The following RORA variants were observed in gnomAD, a reference collection of about 807,000 sequenced individuals.
RORA encodes nuclear receptor ROR-alpha.
RORA carries 7 observed loss-of-function variants against 69.5 expected under a neutral mutation model. The ratio of observed to expected loss-of-function variants is 0.10; its 90% CI spans 0.06 to 0.19. The LOEUF (loss-of-function observed/expected upper bound fraction) is 0.19, where lower values mean the gene tolerates loss of function less well. Ranked by LOEUF, RORA falls within the 10% of genes least tolerant of loss-of-function variation. RORA has a pLI of 1.00. For missense variants in RORA, 457 were observed against 663.0 expected (o/e 0.69, Z 3.41); for synonymous variants, 261 against 240.8 (o/e 1.08, Z -0.78).
intron 1 of RORA, among the ~76,000 whole-genome samples, chr15:60,978,087 C>T (rs937177792): frequency 1.2e-4 from 18 of 152,090 alleles, no homozygotes; most frequent in Non-Finnish European, 2.2e-4. Context: ...ACAATGATTA[C>T]GAGTTCTAAT....
intron 1 of RORA, among the ~76,000 whole-genome samples, chr15:61,224,504 G>A (rs1363208806): frequency 2.6e-5 from 4 of 152,198 alleles, no homozygotes; most frequent in Non-Finnish European, 5.9e-5. Context: ...AGAACACATG[G>A]CACATGCTTA....
chr15:60,706,138 C>T (rs1445945240), intron 1 of RORA: 1 of 152,212 alleles, frequency 6.6e-6, no homozygotes, highest in Non-Finnish European at 1.5e-5. Flanking sequence ...AGCAAAAAAA[C>T]AGGATCGTTT....
chr15:60,602,268 C>G (rs968365098), intron 2 of RORA, among the ~76,000 whole-genome samples: 1 of 152,172 alleles, frequency 6.6e-6, no homozygotes, highest in Non-Finnish European at 1.5e-5. Flanking sequence ...CTTCCAAGGA[C>G]ACGAACAGTT....
intron 2 of RORA, among the ~76,000 whole-genome samples, chr15:60,664,277 G>A (rs553573097): frequency 6.6e-6 from 1 of 152,282 alleles, no homozygotes; most frequent in African/African-American, 2.4e-5. Context: ...GAGGAGGATG[G>A]TGGTGAGGAT....
intron 2 of RORA, among the ~76,000 whole-genome samples, chr15:60,659,257 G>C (rs2070267431): frequency 6.6e-6 from 1 of 152,330 alleles, no homozygotes; most frequent in South Asian, 2.1e-4. Flanking sequence ...AAGCATGATA[G>C]AGTGGAAAAG....
At chr15:60,778,288 T>G (rs1386669721) in intron 1 of RORA, among the ~76,000 whole-genome samples, 1 of 146,734 alleles carries the variant, frequency 6.8e-6, no homozygotes, top group Non-Finnish European at 1.5e-5. Context: ...CTAAAGGGAT[T>G]AGGTTATTGT....
At chr15:60,562,726 A>G (rs1201050870) in intron 2 of RORA, among the ~76,000 whole-genome samples, 1 of 151,504 alleles carries the variant, frequency 6.6e-6, no homozygotes, top group South Asian at 2.1e-4. Context: ...GATTACATGC[A>G]TGAGCCACTG....
chr15:60,755,967 C>T (rs1306780891), intron 1 of RORA, among the ~76,000 whole-genome samples: 2 of 152,150 alleles, frequency 1.3e-5, no homozygotes, highest in Admixed American at 6.6e-5. Flanking sequence ...TGCCAGGCAC[C>T]GTCCTGGTAC....
At chr15:60,552,405 A>T (rs28589452) in intron 2 of RORA, among the ~76,000 whole-genome samples, 27,747 of 152,094 alleles carry the variant, frequency 0.18, 2,602 homozygotes, top group South Asian at 0.3. Flanking sequence ...CATTCATTCT[A>T]CAAAGCCTTT....
chr15:60,826,549 CT>C (rs1482377192), intron 1 of RORA, among the ~76,000 whole-genome samples: 2 of 152,088 alleles, frequency 1.3e-5, no homozygotes, highest in African/African-American at 4.8e-5. Flanking sequence ...TTTTTAAGCA[CT>C]TGATTTAAAT....
intron 2 of RORA, among the ~76,000 whole-genome samples, chr15:60,656,012 AAATC>A (rs368962952): frequency 3.3e-5 from 5 of 152,358 alleles, no homozygotes; most frequent in African/African-American, 9.6e-5. Context: ...ATGGAGGTAA[AAATC>A]AATATTTTCT....
chr15:60,522,365 C>T (rs955044657), intron 3 of RORA, among the ~76,000 whole-genome samples: 12 of 152,156 alleles, frequency 7.9e-5, no homozygotes, highest in African/African-American at 2.9e-4. Context: ...CAGAAATTGG[C>T]AAATGTTACA....
In RORA at chr15:60,882,969, A is replaced by G. The variant is rs372249313; in HGVS notation, c.167-204283T>C. On this transcript the variant is annotated intron_variant, in intron 1 of 10. Transcript: ENST00000335670. ...AACATGGTGAAAGCCCATCTCTACT[A>G]AAAATACAAAAATTAGCTGGTCTTG... Among the ~76,000 whole-genome samples, 27 of 152,026 alleles carry G rather than the reference A, an allele frequency of 1.8e-4. No homozygotes were observed. The East Asian group carries it at 3.7e-3, about 21-fold the overall frequency.
intron 2 of RORA, among the ~76,000 whole-genome samples, chr15:60,643,221 T>C (rs339979): frequency 0.069 from 10,569 of 152,260 alleles, 916 homozygotes; most frequent in African/African-American, 0.21. Context: ...AATCTTTTTA[T>C]GTATTCTATG....
intron 2 of RORA, chr15:60,598,591 T>TA (rs956734177): frequency 1.3e-5 from 2 of 152,262 alleles, no homozygotes; most frequent in Non-Finnish European, 2.9e-5. Context: ...AAGAATACAA[T>TA]ATATAATACA....
rs185187605 is a variant in RORA at position 61,223,010 on chromosome 15, G to T, written c.166+6043C>A. The stretch of plus-strand genomic sequence containing the variant: ...TACTTGAAAATATAATATCCTTCCT[G>T]AATATTCAAGAATGACTTTACCGCC... On this transcript the variant is annotated intron_variant, in intron 1 of 10. Coordinates refer to ENST00000335670, the MANE Select transcript of RORA (RefSeq NM_134261.3). Among the ~76,000 whole-genome samples the T allele has an allele frequency of 1.9e-4, 29 of 152,172 alleles. No individual in the cohort carries two copies. The East Asian group carries it at 5.4e-3, about 28-fold the overall frequency.
intron 1 of RORA, among the ~76,000 whole-genome samples, chr15:60,918,796 G>C (rs529144508): frequency 6.6e-6 from 1 of 152,252 alleles, no homozygotes; most frequent in South Asian, 2.1e-4. Context: ...GTGTGAGCTT[G>C]AGCAAAGGGT....
chr15:60,763,311 C>T (rs1423385212), intron 1 of RORA, among the ~76,000 whole-genome samples: 1 of 151,898 alleles, frequency 6.6e-6, no homozygotes. Context: ...AGATGTTTCC[C>T]CCGCCCTGGA....
intron 1 of RORA, among the ~76,000 whole-genome samples, chr15:60,918,173 G>GTTTCCAA (rs1891936213): frequency 1.3e-5 from 2 of 152,234 alleles, no homozygotes; most frequent in African/African-American, 4.8e-5. Flanking sequence ...ACTAGTGTGT[G>GTTTCCAA]GGACTTAATG....
Sources: gnomAD v4.1 joint callset for allele counts (sites outside exome capture counted in the v4.1 genomes callset) on GRCh38, gnomAD v4.1.1 for gene constraint, MANE v1.5 for transcripts, NCBI Gene and HGNC (gene_info 2026-07-23, HGNC 2026-07-21) for gene names.